Variants in SH3BGRL2 observed in about 807,000 individuals in gnomAD.
SH3BGRL2 encodes SH3 domain binding glutamate rich protein like 2, also known as SH3 domain-binding glutamic acid-rich-like protein 2.
SH3BGRL2 carries 21 observed loss-of-function variants against 14.8 expected under a neutral mutation model. That is an observed-to-expected ratio of 1.42 (90% CI 1.01 to 2.05). The LOEUF (loss-of-function observed/expected upper bound fraction) is 2.05. Among genes scored for constraint, SH3BGRL2 ranks in the 30% most tolerant of loss-of-function variants. The pLI, the probability that SH3BGRL2 is intolerant of heterozygous loss-of-function variation, is 0.00. For missense variants in SH3BGRL2, 147 were observed against 130.8 expected, an observed-to-expected ratio of 1.12 and a Z score of -0.61; for synonymous variants, 50 against 47.8, an observed-to-expected ratio of 1.05 and a Z score of -0.19.
At chr6:79,564,444 T>C in the SH3BGRL2 span, among the ~76,000 whole-genome samples, 5 of 152,216 alleles carry the variant, frequency 3.3e-5, no homozygotes. Flanking sequence ...TCTGTGTCTT[T>C]TACTACTTCT....
At chr6:79,652,314 A>G (rs1323102074) in intron 1 of SH3BGRL2, among the ~76,000 whole-genome samples, 1 of 152,212 alleles carries the variant, frequency 6.6e-6, no homozygotes, top group Non-Finnish European at 1.5e-5. Context: ...AGAAACTTTT[A>G]TAGCGACTTT....
the SH3BGRL2 span, among the ~76,000 whole-genome samples, chr6:79,605,750 T>C: frequency 6.6e-6 from 1 of 152,238 alleles, no homozygotes; most frequent in African/African-American, 2.4e-5. Context: ...ACTTTGAACA[T>C]GTGCTGTTAA....
At chr6:79,657,216 A>T (rs1769437922) in intron 1 of SH3BGRL2, among the ~76,000 whole-genome samples, 1 of 152,050 alleles carries the variant, frequency 6.6e-6, no homozygotes, top group South Asian at 2.1e-4. Context: ...AAAGGCAGTG[A>T]TATACGCTTA....
the SH3BGRL2 span, among the ~76,000 whole-genome samples, chr6:79,551,184 A>G: frequency 6.6e-6 from 1 of 152,346 alleles, no homozygotes; most frequent in African/African-American, 2.4e-5. Context: ...GAATATTTCT[A>G]ATACCCCAAT....
At position 79,699,780 on chromosome 6, in the gene SH3BGRL2, C is replaced by T. The variant is rs1228195286; in HGVS notation, c.*271C>T. On this transcript the variant is annotated 3_prime_UTR_variant, in exon 4 of 4. Coordinates refer to ENST00000369838, the MANE Select transcript of SH3BGRL2 (RefSeq NM_031469.4). ...AATACCGTCACCTGTTACAGGTGTA[C>T]TTTCTTAATGACTGAAAGATAAGTG... 2 of 417,566 alleles carry T rather than the reference C, an allele frequency of 4.8e-6. No individual in the cohort carries two copies. The highest frequency in any genetic ancestry group is 3.5e-5 in the East Asian group (1 of 28,846). The allele number at this position is 417,566 out of a possible 1,614,324, so 25.9% of individuals were successfully genotyped here.
At chr6:79,626,624 T>C (rs118165806), upstream of SH3BGRL2, among the ~76,000 whole-genome samples, 411 of 152,326 alleles carry the variant, frequency 2.7e-3, 2 homozygotes, top group Non-Finnish European at 4.7e-3. Context: ...TGCTTTACAA[T>C]GGAGAGAGAA....
the SH3BGRL2 span, among the ~76,000 whole-genome samples, chr6:79,614,414 G>A: frequency 6.6e-6 from 1 of 152,116 alleles, no homozygotes; most frequent in African/African-American, 2.4e-5. Flanking sequence ...TTACAAAAGG[G>A]ATTTCCCCAG....
chr6:79,572,001 T>G, the SH3BGRL2 span, among the ~76,000 whole-genome samples: 150,465 of 152,268 alleles, frequency 0.99, 74,369 homozygotes, highest in East Asian at 1. Flanking sequence ...CTCTTCTAAT[T>G]TTAATATCCT....
chr6:79,590,745 T>C, the SH3BGRL2 span, among the ~76,000 whole-genome samples: 51 of 152,014 alleles, frequency 3.4e-4, no homozygotes, highest in Middle Eastern at 3.4e-3. Context: ...ACCTGGGTAA[T>C]GGGATCATCC....
the SH3BGRL2 span, among the ~76,000 whole-genome samples, chr6:79,609,946 T>C: frequency 6.6e-6 from 1 of 152,254 alleles, no homozygotes; most frequent in Non-Finnish European, 1.5e-5. Context: ...TTTTTGCATA[T>C]GGAAGGCATA....
chr6:79,538,030 T>TTTTTTTTTTG, the SH3BGRL2 span, among the ~76,000 whole-genome samples: 1 of 106,076 alleles, frequency 9.4e-6, no homozygotes, highest in Non-Finnish European at 2.0e-5. Context: ...TTTTTTTTTT[T>TTTTTTTTTTG]TTTTTTTTTT....
At chr6:79,635,514 G>T (rs1768905344) in intron 1 of SH3BGRL2, among the ~76,000 whole-genome samples, 1 of 152,222 alleles carries the variant, frequency 6.6e-6, no homozygotes, top group Admixed American at 6.5e-5. Flanking sequence ...TGTATATGAT[G>T]GTCAGAACAG....
intron 1 of SH3BGRL2, among the ~76,000 whole-genome samples, chr6:79,673,213 C>G (rs1030771711): frequency 6.6e-6 from 1 of 151,980 alleles, no homozygotes; most frequent in African/African-American, 2.4e-5. Context: ...TCTGTCATCT[C>G]ATAGTCCATT....
chr6:79,616,330 T>A, the SH3BGRL2 span, among the ~76,000 whole-genome samples: 2 of 152,164 alleles, frequency 1.3e-5, no homozygotes, highest in African/African-American at 2.4e-5. Context: ...CATGTGGCAT[T>A]TTTAATACGT....
chr6:79,694,230 G>A (rs1222030440), intron 2 of SH3BGRL2, among the ~76,000 whole-genome samples: 2 of 152,116 alleles, frequency 1.3e-5, no homozygotes, highest in East Asian at 1.9e-4. Flanking sequence ...GAGAGAACAG[G>A]TATACTAAGT....
chr6:79,647,297 T>A (rs1769163334), intron 1 of SH3BGRL2, among the ~76,000 whole-genome samples: 1 of 152,164 alleles, frequency 6.6e-6, no homozygotes, highest in Admixed American at 6.5e-5. Context: ...CTAATAATGT[T>A]GTTTTTTTTT....
chr6:79,696,614 T>C (rs2127739943), intron 3 of SH3BGRL2, 49 bp downstream of exon 3: 2 of 1,380,434 alleles, frequency 1.4e-6, no homozygotes, highest in Non-Finnish European at 2.0e-6. Context: ...CTCTTTTGAA[T>C]TTTTCTTAGA....
chr6:79,550,647 A>T, the SH3BGRL2 span, among the ~76,000 whole-genome samples: 4 of 152,176 alleles, frequency 2.6e-5, no homozygotes, highest in East Asian at 7.7e-4. Context: ...TTGGTCAAGG[A>T]ATCAAGGTAT....
intron 1 of SH3BGRL2, among the ~76,000 whole-genome samples, chr6:79,632,913 C>G (rs1768853426): frequency 6.6e-6 from 1 of 152,240 alleles, no homozygotes; most frequent in Non-Finnish European, 1.5e-5. Context: ...CACCGACTTG[C>G]ATGCTTCAAT....
Sources: allele counts gnomAD v4.1 joint callset (sites outside exome capture counted in the v4.1 genomes callset), GRCh38; gene constraint gnomAD v4.1.1; transcripts MANE v1.5; gene names NCBI Gene and HGNC (gene_info 2026-07-23, HGNC 2026-07-21).